GALNT2: variants seen among roughly 807,000 people sequenced by gnomAD.
GALNT2 encodes UDP-GalNAc:polypeptide N-acetylgalactosaminyltransferase 2.
GALNT2 carries 31 observed loss-of-function variants against 81.4 expected under a neutral mutation model. The observed-to-expected ratio is 0.38, with a 90% CI of 0.29 to 0.51. The LOEUF is 0.51. Ranked by LOEUF, GALNT2 falls within the 20% of genes least tolerant of loss-of-function variation. The probability of loss-of-function intolerance (pLI) is 0.87; values close to 1 mark genes in which losing one functional copy is unlikely to be tolerated. For synonymous variants in GALNT2, 303 were observed against 287.4 expected (o/e 1.05, Z -0.55); for missense variants, 629 against 765.7 (o/e 0.82, Z 2.11).
At chr1:230,225,560 A>G (rs1206973376) in intron 3 of GALNT2, among the ~76,000 whole-genome samples, 1 of 151,948 alleles carries the variant, frequency 6.6e-6, no homozygotes, top group Non-Finnish European at 1.5e-5. Context: ...CTTCATAGTC[A>G]TGGTAGACTT....
In GALNT2 at chr1:230,234,010, A is replaced by G. The variant is rs1252735248; in HGVS notation, c.375-2004A>G. ...ATGGGAAGGCGAGGGGCAGAACTCT[A>G]TTGTGAACAGAGGTTATTTTATCAT... On this transcript the variant is annotated intron_variant, in intron 3 of 15. Coordinates refer to ENST00000366672, the MANE Select transcript of GALNT2 (RefSeq NM_004481.5). Among the ~76,000 whole-genome samples, 4 of 152,210 alleles carry G rather than the reference A, an allele frequency of 2.6e-5. No homozygotes were observed. The South Asian group carries it at 8.3e-4, about 32-fold the overall frequency.
intron 1 of GALNT2, among the ~76,000 whole-genome samples, chr1:230,083,336 C>T (rs1250507213): frequency 7.1e-6 from 1 of 141,754 alleles, no homozygotes; most frequent in Non-Finnish European, 1.5e-5. Context: ...GATGATGGAG[C>T]AGGGGAGCCG....
At position 230,271,364 on chromosome 1, in the gene GALNT2, C is replaced by T. The variant is rs1488890999; in HGVS notation, c.1441-3081C>T. 6.6e-6 allele frequency among the ~76,000 whole-genome samples: 1 copy of T among 152,218 alleles called. No individual in the cohort carries two copies. Among genetic ancestry groups the T allele is most frequent in the African/African-American group, 2.4e-5 (1 of 41,446 alleles). ...TTTATACTCTCACAAAACTTCTCAC[C>T]TCTGACACCAGCCCTGTGGGCTTTT... On this transcript the variant is annotated intron_variant, in intron 14 of 15. Transcript: ENST00000366672. This position sits in a 1 kb window ranked among gnomAD's most constrained non-coding sequence, Gnocchi z 4.2.
intron 1 of GALNT2, among the ~76,000 whole-genome samples, chr1:230,146,155 A>T (rs1661908751): frequency 6.6e-6 from 1 of 152,114 alleles, no homozygotes; most frequent in Admixed American, 6.5e-5. Flanking sequence ...CAGTCTTTGT[A>T]TTTCTGCTGT....
intron 2 of GALNT2, 39 bp downstream of exon 2, chr1:230,178,350 C>A: frequency 6.7e-7 from 1 of 1,496,470 alleles, no homozygotes; most frequent in Non-Finnish European, 9.3e-7. Context: ...GCTTTGAGCA[C>A]GTGATTGGGA....
chr1:230,066,879 G>C (rs1291918299), upstream of GALNT2, among the ~76,000 whole-genome samples: 2 of 151,552 alleles, frequency 1.3e-5, no homozygotes, highest in Admixed American at 1.3e-4. Flanking sequence ...GCGGCCGGCG[G>C]GGGGAGCACG....
At chr1:230,190,628 C>A (rs75123418) in intron 2 of GALNT2, among the ~76,000 whole-genome samples, 1 of 152,140 alleles carries the variant, frequency 6.6e-6, no homozygotes, top group African/African-American at 2.4e-5. Flanking sequence ...ACTCCCTGAT[C>A]GGGGGCCACC....
At chr1:230,194,533 A>G (rs921206070) in intron 2 of GALNT2, among the ~76,000 whole-genome samples, 1 of 152,226 alleles carries the variant, frequency 6.6e-6, no homozygotes, top group African/African-American at 2.4e-5. Context: ...TTTCATGGCT[A>G]CAGGGATAAG....
In GALNT2 at chr1:230,128,868, G is replaced by T. The variant is rs556526817; in HGVS notation, c.127-49350G>T. Reference sequence around the variant, plus strand: ...CCATCCAGGGCACCTGCGCTTTCTGGTTCGGGGACATCTCATGCCTCAGCA... The same window carrying T: ...CCATCCAGGGCACCTGCGCTTTCTGTTTCGGGGACATCTCATGCCTCAGCA... On this transcript the variant is annotated intron_variant, in intron 1 of 15. Coordinates refer to ENST00000366672, the MANE Select transcript of GALNT2 (RefSeq NM_004481.5). Among the ~76,000 whole-genome samples, 300 of 152,288 alleles carry T rather than the reference G, an allele frequency of 2.0e-3. 1 individual carries two copies. In the Middle Eastern group the frequency reaches 0.02, roughly 10 times the overall value.
chr1:230,239,987 T>G (rs570399563), intron 6 of GALNT2, among the ~76,000 whole-genome samples: 1 of 152,352 alleles, frequency 6.6e-6, no homozygotes, highest in South Asian at 2.1e-4. Flanking sequence ...TTATCATGCT[T>G]TTCTTCTACA....
chr1:230,092,551 C>A (rs1037595247), intron 1 of GALNT2, among the ~76,000 whole-genome samples: 3 of 152,004 alleles, frequency 2.0e-5, no homozygotes, highest in Non-Finnish European at 4.4e-5. Flanking sequence ...ACCATGTTGG[C>A]CAGGCTGATC....
chr1:230,159,352 T>A (rs1662361060), intron 1 of GALNT2, among the ~76,000 whole-genome samples: 1 of 148,922 alleles, frequency 6.7e-6, no homozygotes, highest in African/African-American at 2.4e-5. Context: ...AGCACTCCCC[T>A]GAGTTTATTA....
intron 14 of GALNT2, among the ~76,000 whole-genome samples, chr1:230,266,416 C>A (rs943796679): frequency 4.6e-5 from 7 of 152,184 alleles, no homozygotes; most frequent in Non-Finnish European, 7.3e-5. Flanking sequence ...TTGCCTGGCA[C>A]TGGGAGAGCC....
chr1:230,151,499 A>C (rs1477526325), intron 1 of GALNT2, among the ~76,000 whole-genome samples: 1 of 152,192 alleles, frequency 6.6e-6, no homozygotes, highest in African/African-American at 2.4e-5. Context: ...TTTCCTGAAG[A>C]AGCAATGATT....
Position 230,281,377 on chromosome 1 carries a change from G to C in GALNT2, c.*1919G>C, listed in dbSNP as rs541678353. 1 of 150,436 alleles carries C rather than the reference G, an allele frequency of 6.6e-6. No individual in the cohort carries two copies. Among genetic ancestry groups the C allele is most frequent in the Non-Finnish European group, 1.5e-5 (1 of 67,596 alleles). 9.3% of individuals were successfully genotyped at this position (150,436 alleles called of 1,614,324 possible). ...CTTCTGTCTTTCACGGTGGGCGCTC[G>C]GGGGGAGCCTGAGGAAAACCCCCTT... On this transcript the variant is annotated 3_prime_UTR_variant, in exon 16 of 16. Transcript: ENST00000366672.
At chr1:230,107,024 A>G (rs1660564188) in intron 1 of GALNT2, among the ~76,000 whole-genome samples, 2 of 152,228 alleles carry the variant, frequency 1.3e-5, no homozygotes. Flanking sequence ...GGACAGAAGG[A>G]AGCTGGCTCC....
intron 1 of GALNT2, among the ~76,000 whole-genome samples, chr1:230,086,653 G>T (rs887761877): frequency 3.9e-5 from 6 of 152,136 alleles, no homozygotes; most frequent in Admixed American, 3.9e-4. Flanking sequence ...CCCCTGCTCA[G>T]GACATAACTT....
intron 1 of GALNT2, among the ~76,000 whole-genome samples, chr1:230,096,637 C>T (rs1463018826): frequency 6.6e-6 from 1 of 152,202 alleles, no homozygotes; most frequent in African/African-American, 2.4e-5. Flanking sequence ...AACCTCCCTC[C>T]CTGCTCCCAT....
chr1:230,089,026 C>T (rs1367061489), intron 1 of GALNT2, among the ~76,000 whole-genome samples: 1 of 152,120 alleles, frequency 6.6e-6, no homozygotes, highest in African/African-American at 2.4e-5. Flanking sequence ...TGTCTGAGTT[C>T]TTCCACTTGC....
Sources: allele counts gnomAD v4.1 joint callset (sites outside exome capture counted in the v4.1 genomes callset), GRCh38; gene constraint gnomAD v4.1.1; non-coding constraint Gnocchi (gnomAD v3.1); transcripts MANE v1.5; gene names NCBI Gene and HGNC (gene_info 2026-07-23, HGNC 2026-07-21).